The following TPRG1 variants were observed in gnomAD, a reference collection of about 807,000 sequenced individuals.
TPRG1 encodes the protein tumor protein p63-regulated gene 1 protein.
In TPRG1, 29 loss-of-function variants were observed where a neutral mutation model predicts 29.3. That is an observed-to-expected ratio of 0.99 (90% CI 0.74 to 1.35). TPRG1 has a LOEUF of 1.35. Ranked by LOEUF, TPRG1 falls within the 40% of genes most tolerant of loss-of-function variation. TPRG1 has a pLI of 0.00. For missense variants in TPRG1, 327 were observed against 335.0 expected (o/e 0.98, Z 0.19); for synonymous variants, 130 against 116.8 (o/e 1.11, Z -0.73).
At chr3:189,268,504 G>A (rs1246675855) in intron 4 of TPRG1, among the ~76,000 whole-genome samples, 1 of 152,212 alleles carries the variant, frequency 6.6e-6, no homozygotes, top group Non-Finnish European at 1.5e-5. Context: ...TCCTTAGGAA[G>A]TTGTTGCCTA....
intron 2 of TPRG1, among the ~76,000 whole-genome samples, chr3:189,128,430 G>A (rs1327937781): frequency 2.6e-5 from 4 of 152,152 alleles, no homozygotes; most frequent in Non-Finnish European, 5.9e-5. Context: ...ATTGTTTTAA[G>A]TATGTCTCAA....
intron 4 of TPRG1, among the ~76,000 whole-genome samples, chr3:189,250,959 G>A (rs752903941): frequency 2.0e-5 from 3 of 151,836 alleles, no homozygotes; most frequent in Non-Finnish European, 2.9e-5. Context: ...GCTATTGATC[G>A]CGGGCCTTAA....
intron 2 of TPRG1, among the ~76,000 whole-genome samples, chr3:189,001,147 A>T (rs1711999342): frequency 6.6e-6 from 1 of 152,204 alleles, no homozygotes; most frequent in Non-Finnish European, 1.5e-5. Flanking sequence ...AATGTTAACA[A>T]CATGAAACAT....
At chr3:189,212,009 A>ATCT (rs3839091) in intron 2 of TPRG1, 100,745 of 151,392 alleles carry the variant, frequency 0.67, 34,662 homozygotes, top group African/African-American at 0.86. Context: ...TATTATGATA[A>ATCT]TCTTGGTTGT....
intron 2 of TPRG1, among the ~76,000 whole-genome samples, chr3:189,208,510 T>A (rs1319582870): frequency 6.6e-6 from 1 of 152,162 alleles, no homozygotes; most frequent in Non-Finnish European, 1.5e-5. Flanking sequence ...TAAATCCTGA[T>A]TTGGTTGCTT....
chr3:189,109,832 T>C (rs1028600705), intron 1 of TPRG1, among the ~76,000 whole-genome samples: 7 of 152,168 alleles, frequency 4.6e-5, no homozygotes, highest in African/African-American at 1.7e-4. Flanking sequence ...TGCTCCTTTG[T>C]AGTTAATCCC....
chr3:189,154,445 ATTT>A (rs11306539), intron 5 of TPRG1, among the ~76,000 whole-genome samples: 2 of 145,616 alleles, frequency 1.4e-5, no homozygotes, highest in Non-Finnish European at 1.5e-5. Flanking sequence ...TGCAGTGTAC[ATTT>A]TTTTTTTTTT....
intron 1 of TPRG1, among the ~76,000 whole-genome samples, chr3:189,202,178 G>A (rs545121209): frequency 1.6e-4 from 25 of 152,104 alleles, no homozygotes; most frequent in Non-Finnish European, 3.4e-4. Flanking sequence ...TGGTGGATCT[G>A]TCTTTGCTTT....
intron 3 of TPRG1, among the ~76,000 whole-genome samples, chr3:189,140,246 G>A (rs1724361685): frequency 6.6e-6 from 1 of 152,174 alleles, no homozygotes. Flanking sequence ...CAGGACATAA[G>A]CAGTCTTTGT....
intron 4 of TPRG1, among the ~76,000 whole-genome samples, chr3:189,264,401 A>G (rs1033000348): frequency 6.6e-6 from 1 of 152,234 alleles, no homozygotes; most frequent in African/African-American, 2.4e-5. Context: ...ATGGGAAGAT[A>G]GACCAAAGTT....
intron 1 of TPRG1, among the ~76,000 whole-genome samples, chr3:189,190,577 G>T (rs1457925274): frequency 6.6e-6 from 1 of 152,202 alleles, no homozygotes; most frequent in Non-Finnish European, 1.5e-5. Flanking sequence ...TTATTTTATT[G>T]CCTCCTACGT....
chr3:189,088,684 A>G (rs950306086), intron 4 of TPRG1, among the ~76,000 whole-genome samples: 4 of 152,144 alleles, frequency 2.6e-5, no homozygotes, highest in Admixed American at 6.5e-5. Flanking sequence ...CCTATATCCA[A>G]TCTACATTCA....
At chr3:189,009,929 T>G (rs1712506445) in intron 3 of TPRG1, among the ~76,000 whole-genome samples, 11 of 151,980 alleles carry the variant, frequency 7.2e-5, no homozygotes, top group Admixed American at 7.2e-4. Flanking sequence ...ACTAGCTATT[T>G]TTCCTGATCC....
chr3:189,160,528 G>A (rs565499737), intron 5 of TPRG1, among the ~76,000 whole-genome samples: 1 of 152,260 alleles, frequency 6.6e-6, no homozygotes, highest in South Asian at 2.1e-4. Flanking sequence ...TTGTGCAAAG[G>A]AAAACAAGGA....
chr3:189,012,365 C>T, intron 3 of TPRG1, among the ~76,000 whole-genome samples: 1 of 7,618 alleles, frequency 1.3e-4, no homozygotes, highest in African/African-American at 1.8e-4. Context: ...TTATCTAAGG[C>T]CTTTTCTGCA....
At chr3:189,020,141 G>C (rs1410395103) in intron 3 of TPRG1, among the ~76,000 whole-genome samples, 1 of 151,202 alleles carries the variant, frequency 6.6e-6, no homozygotes, top group Non-Finnish European at 1.5e-5. Context: ...TATTAGTCTT[G>C]CTAGCGGTCT....
chr3:189,148,199 T>A (rs1022690243), intron 4 of TPRG1, among the ~76,000 whole-genome samples: 2 of 152,176 alleles, frequency 1.3e-5, no homozygotes, highest in African/African-American at 4.8e-5. Flanking sequence ...CACACTGCCA[T>A]CTGGTGGGCA....
At chr3:189,137,402 T>A (rs755224988) in intron 3 of TPRG1, among the ~76,000 whole-genome samples, 3 of 147,654 alleles carry the variant, frequency 2.0e-5, no homozygotes, top group Non-Finnish European at 4.5e-5. Context: ...AATAGCCACT[T>A]GAAAACAGAA....
At chr3:189,144,198 A>G (rs1175307591) in intron 3 of TPRG1, among the ~76,000 whole-genome samples, 1 of 152,182 alleles carries the variant, frequency 6.6e-6, no homozygotes, top group Non-Finnish European at 1.5e-5. Context: ...CTGGGAGTAC[A>G]ATGATGAACA....
Sources: gnomAD v4.1 joint callset for allele counts (sites outside exome capture counted in the v4.1 genomes callset) on GRCh38, gnomAD v4.1.1 for gene constraint, MANE v1.5 for transcripts, NCBI Gene and HGNC (gene_info 2026-07-23, HGNC 2026-07-21) for gene names.